Variants in CNOT6L observed in about 807,000 individuals in gnomAD.
CNOT6L encodes the protein CCR4-NOT transcription complex subunit 6 like.
In CNOT6L, 7 loss-of-function variants were observed where a neutral mutation model predicts 64.0. The observed-to-expected ratio is 0.11, with a 90% CI of 0.06 to 0.21. The LOEUF is 0.21. Among genes scored for constraint, CNOT6L ranks in the 10% least tolerant of loss-of-function variants. CNOT6L has a pLI of 1.00. For synonymous variants in CNOT6L, 193 were observed against 243.4 expected, an observed-to-expected ratio of 0.79 and a Z score of 1.93; for missense variants, 245 against 669.0, an observed-to-expected ratio of 0.37 and a Z score of 6.99.
rs548584802 is a variant in CNOT6L, at chr4:77,777,640, C to T, written c.6-1248G>A. On this transcript the variant is annotated intron_variant, in intron 1 of 11. Transcript: ENST00000504123. Reference sequence around the variant, plus strand: ...CCTGCATGCTTTCAATAAATTGCCACATAGTATTTATATTGGGTTCTTTGC... The same window carrying T: ...CCTGCATGCTTTCAATAAATTGCCATATAGTATTTATATTGGGTTCTTTGC... Among the ~76,000 whole-genome samples, 3 of 152,256 alleles carry T rather than the reference C, an allele frequency of 2.0e-5. No homozygotes were observed. In the East Asian group the frequency reaches 5.8e-4, roughly 29 times the overall value.
At chr4:77,784,858 T>C (rs1050180739) in intron 1 of CNOT6L, among the ~76,000 whole-genome samples, 1 of 152,202 alleles carries the variant, frequency 6.6e-6, no homozygotes, top group Admixed American at 6.5e-5. Context: ...TTTTAATGGG[T>C]ATCAACTTCC....
intron 4 of CNOT6L, among the ~76,000 whole-genome samples, chr4:77,759,756 C>T (rs1725970491): frequency 6.6e-6 from 1 of 152,092 alleles, no homozygotes; most frequent in Non-Finnish European, 1.5e-5. Flanking sequence ...GAAAAAAGCA[C>T]ACAAAAAATT....
At chr4:77,724,962 T>C (rs1721673804) in intron 11 of CNOT6L, among the ~76,000 whole-genome samples, 1 of 152,152 alleles carries the variant, frequency 6.6e-6, no homozygotes, top group Admixed American at 6.6e-5. Flanking sequence ...GAAGATAGGA[T>C]TCTGCTACAG....
intron 7 of CNOT6L, among the ~76,000 whole-genome samples, chr4:77,743,154 G>A (rs1337764145): frequency 6.6e-6 from 1 of 151,980 alleles, no homozygotes; most frequent in African/African-American, 2.4e-5. Context: ...ACTATCTTAT[G>A]ACATGAAATT....
chr4:77,806,012 C>T (rs375606020), intron 1 of CNOT6L, among the ~76,000 whole-genome samples: 13 of 152,362 alleles, frequency 8.5e-5, no homozygotes, highest in African/African-American at 2.9e-4. Context: ...TCGTCTCTGA[C>T]TTCCTCATAG....
intron 8 of CNOT6L, among the ~76,000 whole-genome samples, chr4:77,736,728 C>G (rs1487338204): frequency 2.0e-5 from 3 of 152,024 alleles, no homozygotes; most frequent in Non-Finnish European, 4.4e-5. Context: ...CATTAGTTTA[C>G]CATTCATACT....
chr4:77,766,987 C>T (rs1171310140), intron 4 of CNOT6L, among the ~76,000 whole-genome samples: 5 of 138,540 alleles, frequency 3.6e-5, no homozygotes, highest in South Asian at 2.4e-4. Flanking sequence ...CGTTTGAACC[C>T]GGGAGGCAGT....
chr4:77,742,465 C>CT (rs1455678013), intron 7 of CNOT6L, 170 bp from the exon 8 acceptor site: 1 of 710,008 alleles, frequency 1.4e-6, no homozygotes, highest in Non-Finnish European at 2.5e-6. Context: ...ACAATGGCAG[C>CT]TTTTTAAACA....
chr4:77,799,645 A>G (rs1012926713), intron 1 of CNOT6L, among the ~76,000 whole-genome samples: 1 of 144,254 alleles, frequency 6.9e-6, no homozygotes, highest in Non-Finnish European at 1.5e-5. Flanking sequence ...CAGAGGTTGC[A>G]GTGAGCTGAG....
intron 4 of CNOT6L, among the ~76,000 whole-genome samples, chr4:77,757,599 A>G (rs1560592673): frequency 6.6e-6 from 1 of 152,202 alleles, no homozygotes; most frequent in Non-Finnish European, 1.5e-5. Flanking sequence ...ACAACAGTCT[A>G]GCATCCAAAT....
In CNOT6L at chr4:77,804,855, A is replaced by T. The variant is rs184054877; in HGVS notation, c.5+14449T>A. Among the ~76,000 whole-genome samples, 465 of 152,352 alleles carry T rather than the reference A, an allele frequency of 3.1e-3. 1 individual carries two copies. The highest frequency in any genetic ancestry group is 0.01 in the African/African-American group (432 of 41,578). ...TCAAATGAAAAAAAAGCAAATTTTT[A>T]AAAAAGTATACACAGTATGAACCTA... On this transcript the variant is annotated intron_variant, in intron 1 of 11. Transcript: ENST00000504123.
chr4:77,776,606 T>C (rs1356807910), intron 1 of CNOT6L, among the ~76,000 whole-genome samples: 11 of 152,188 alleles, frequency 7.2e-5, no homozygotes, highest in African/African-American at 1.9e-4. Flanking sequence ...TAAGGGAAAA[T>C]GCAAATAAGC....
chr4:77,816,160 T>C (rs2110195163), intron 1 of CNOT6L, among the ~76,000 whole-genome samples: 1 of 152,300 alleles, frequency 6.6e-6, no homozygotes, highest in South Asian at 2.1e-4. Context: ...TTAGTCTAAA[T>C]AATAACCTTA....
intron 2 of CNOT6L, among the ~76,000 whole-genome samples, chr4:77,774,961 G>A (rs1008285607): frequency 6.6e-6 from 1 of 152,200 alleles, no homozygotes; most frequent in Admixed American, 6.5e-5. Flanking sequence ...AATGAGAAGT[G>A]GCAAAATGTG....
In CNOT6L at chr4:77,819,027, GTCCCGGC is replaced by G. The variant is rs1380707811; in HGVS notation, c.5+270_5+276del. On this transcript the variant is annotated intron_variant, in intron 1 of 11. Coordinates refer to ENST00000504123, the MANE Select transcript of CNOT6L (RefSeq NM_144571.3). ...AGCGGGAGGGACACGCCACTCTGGG[GTCCCGGC>G]CCCGGGCCACCCCCGACACACACAC... 27 of 626,720 alleles carry G rather than the reference GTCCCGGC, an allele frequency of 4.3e-5. No homozygotes were observed. The African/African-American group carries it at 4.7e-4, about 11-fold the overall frequency. The allele number at this position is 626,720 out of a possible 1,614,324, so 38.8% of individuals were successfully genotyped here.
At chr4:77,816,493 A>G (rs1213028768) in intron 1 of CNOT6L, among the ~76,000 whole-genome samples, 1 of 152,126 alleles carries the variant, frequency 6.6e-6, no homozygotes, top group Non-Finnish European at 1.5e-5. Flanking sequence ...TAAGAAAATC[A>G]CAATTTGCAT....
At chr4:77,802,563 CTCCCT>C (rs1731716636) in intron 1 of CNOT6L, among the ~76,000 whole-genome samples, 2 of 152,162 alleles carry the variant, frequency 1.3e-5, no homozygotes, top group Non-Finnish European at 2.9e-5. Context: ...AAACTTTCCC[CTCCCT>C]TATCTTCTGG....
At chr4:77,801,438 C>T (rs1466727801) in intron 1 of CNOT6L, among the ~76,000 whole-genome samples, 1 of 152,100 alleles carries the variant, frequency 6.6e-6, no homozygotes, top group Non-Finnish European at 1.5e-5. Flanking sequence ...CATTACCTTC[C>T]TCCTGAGCTA....
chr4:77,740,098 G>A (rs1166315891), intron 8 of CNOT6L, among the ~76,000 whole-genome samples: 1 of 152,044 alleles, frequency 6.6e-6, no homozygotes, highest in African/African-American at 2.4e-5. Context: ...CGTCAGGCAC[G>A]GTGGCTTACG....
Sources: gnomAD v4.1 joint callset for allele counts (sites outside exome capture counted in the v4.1 genomes callset) on GRCh38, gnomAD v4.1.1 for gene constraint, MANE v1.5 for transcripts, NCBI Gene and HGNC (gene_info 2026-07-23, HGNC 2026-07-21) for gene names.